The following BTN3A2 variants were observed in gnomAD, a reference collection of about 807,000 sequenced individuals.
BTN3A2 encodes the protein butyrophilin subfamily 3 member A2.
In BTN3A2, 25 loss-of-function variants were observed where a neutral mutation model predicts 37.6. That is an observed-to-expected ratio of 0.66 (90% CI 0.48 to 0.93). The LOEUF is 0.93. Among genes scored for constraint, BTN3A2 ranks in the 40% least tolerant of loss-of-function variants. The pLI is 0.00. For synonymous variants in BTN3A2, 122 were observed against 159.4 expected (o/e 0.77, Z 1.77); for missense variants, 266 against 410.9 (o/e 0.65, Z 3.05).
At position 26,370,326 on chromosome 6, in the gene BTN3A2, G is replaced by C; in HGVS notation, c.438G>C (p.Leu146=). 6.2e-7 allele frequency: 1 copy of C among 1,614,042 alleles called. No homozygotes were observed. The highest frequency in any genetic ancestry group is 8.5e-7 in the Non-Finnish European group (1 of 1,179,886). Residue 146 remains leucine, a synonymous_variant, in exon 5 of 11, where the codon CTG becomes CTC. Coordinates refer to ENST00000377708, the MANE Select transcript of BTN3A2 (RefSeq NM_007047.5). ...KALVELKVAA[L]GSNLHVEVKG... ...GGCCAAATTATCCTTCCACAGCACT[G>C]GGTTCTAATCTTCACGTCGAAGTGA...
At chr6:26,373,231 G>A in intron 6 of BTN3A2, 45 bp from the exon 7 acceptor site, 1 of 1,367,568 alleles carries the variant, frequency 7.3e-7, no homozygotes, top group Non-Finnish European at 1.0e-6. Flanking sequence ...ACCCATAACA[G>A]TTCATCTTTT....
chr6:26,374,022 T>A (rs1333754851), intron 8 of BTN3A2: 2 of 329,622 alleles, frequency 6.1e-6, no homozygotes, highest in Non-Finnish European at 1.1e-5. Context: ...CATATAGACA[T>A]GGTGACACCT....
intron 1 of BTN3A2, 83 bp downstream of exon 1, chr6:26,365,435 T>C: frequency 6.8e-7 from 1 of 1,467,178 alleles, no homozygotes; most frequent in Non-Finnish European, 9.2e-7. Context: ...TGAGTGGGCA[T>C]GCAGGGAGAG....
intron 5 of BTN3A2, 53 bp downstream of exon 5, chr6:26,370,656 G>C: frequency 6.2e-7 from 1 of 1,605,622 alleles, no homozygotes; most frequent in Non-Finnish European, 8.5e-7. Context: ...GCAGTTGAAT[G>C]AAGGGGGATG....
Position 26,368,251 on chromosome 6 carries a change from G to T in BTN3A2, c.69G>T (p.Leu23=). The part of the protein sequence containing the change: ...NFHVSLLLVQ[L]LTPCSAQFSV... ...ATGTCTCCCTCCTCTTGGTCCAGCTGCTCACTCCTTGCTCAGGTAGGGAAT... is the reference window on the plus strand; with the variant it reads ...ATGTCTCCCTCCTCTTGGTCCAGCTTCTCACTCCTTGCTCAGGTAGGGAAT... The change falls in exon 3 of 11, where the codon CTG becomes CTT. Residue 23 remains leucine (L), a synonymous_variant. Coordinates refer to ENST00000377708, the MANE Select transcript of BTN3A2 (RefSeq NM_007047.5). 5 of 1,614,148 alleles carry T rather than the reference G, an allele frequency of 3.1e-6. No homozygotes were observed. The highest frequency in any genetic ancestry group is 4.2e-6 in the Non-Finnish European group (5 of 1,180,038).
rs936566491 is a variant in BTN3A2, at chr6:26,376,484, C to T, written c.*722C>T. The T allele has an allele frequency of 4.3e-6, 5 of 1,155,668 alleles. No homozygotes were observed. The highest frequency in any genetic ancestry group is 4.7e-6 in the Non-Finnish European group (4 of 854,806). 71.6% of individuals were successfully genotyped at this position (1,155,668 alleles called of 1,614,324 possible). A position where few individuals can be genotyped will look rare whatever the true frequency, so the allele number is the denominator to read the frequency against. On this transcript the variant is annotated 3_prime_UTR_variant, in exon 11 of 11. Coordinates refer to ENST00000377708, the MANE Select transcript of BTN3A2 (RefSeq NM_007047.5). ...GGGACACGGGGTTCTGGAAGGACCT[C>T]CTCAGCATGGCCCAAGCCTTGCATG... is the stretch of plus-strand genomic sequence containing the variant.
chr6:26,369,541 G>A (rs1420497164), intron 4 of BTN3A2, among the ~76,000 whole-genome samples: 1 of 152,164 alleles, frequency 6.6e-6, no homozygotes, highest in Non-Finnish European at 1.5e-5. Context: ...CATCAGGAAG[G>A]TGTGGGCAGG....
At chr6:26,365,194 G>A, upstream of BTN3A2, 1 of 1,069,844 alleles carries the variant, frequency 9.3e-7, no homozygotes, top group South Asian at 1.5e-5. Flanking sequence ...TTCTTCCAAA[G>A]AGCGACTCTT....
chr6:26,365,500 G>GTGTGTC (rs1761974884), intron 1 of BTN3A2, 148 bp downstream of exon 1: 2 of 729,346 alleles, frequency 2.7e-6, no homozygotes. Context: ...GTGTGTGTGT[G>GTGTGTC]TGTGTGTGTG....
intron 8 of BTN3A2, chr6:26,374,036 C>A (rs965249936): frequency 1.1e-5 from 4 of 362,690 alleles, no homozygotes; most frequent in Non-Finnish European, 2.0e-5. Flanking sequence ...GACACCTATG[C>A]CCAGGTACAC....
Position 26,376,926 on chromosome 6 carries a change from C to G in BTN3A2, c.*1164C>G. On this transcript the variant is annotated 3_prime_UTR_variant, in exon 11 of 11. Transcript: ENST00000377708. ...AACCAACCTGAAACTTCCTGAGCCT[C>G]CTAGGAAAGTGGGGGTCATCCTGGA... 1.2e-6 allele frequency: 2 copies of G among 1,613,112 alleles called. No homozygotes were observed. The highest frequency in any genetic ancestry group is 1.7e-6 in the Non-Finnish European group (2 of 1,179,298).
At position 26,377,009 on chromosome 6, in the gene BTN3A2, A is replaced by G; in HGVS notation, c.*1247A>G. The G allele has an allele frequency of 1.4e-6, 2 of 1,437,880 alleles. No homozygotes were observed. Among genetic ancestry groups the G allele is most frequent in the Non-Finnish European group, 2.0e-6 (2 of 1,022,366 alleles). 89.1% of individuals were successfully genotyped at this position (1,437,880 alleles called of 1,614,324 possible). A position where few individuals can be genotyped will look rare whatever the true frequency, so the allele number is the denominator to read the frequency against. ...CCACGGATGGATCTCATATCTACAC[A>G]TTTCTGCACGCCTCTTCCTCTGAGC... On this transcript the variant is annotated 3_prime_UTR_variant, in exon 11 of 11. Coordinates refer to ENST00000377708, the MANE Select transcript of BTN3A2 (RefSeq NM_007047.5).
intron 7 of BTN3A2, 21 bp from the exon 8 acceptor site, chr6:26,373,366 T>G (rs746025441): frequency 2.2e-5 from 35 of 1,605,582 alleles, no homozygotes; most frequent in Admixed American, 6.9e-5. Flanking sequence ...TGATGACTCT[T>G]CCCTGTTCAT....
rs1760733739 is a variant in BTN3A2 at position 26,376,661 on chromosome 6, T to G, written c.*899T>G. 2.6e-6 allele frequency: 4 copies of G among 1,509,482 alleles called. No individual in the cohort carries two copies. The highest frequency in any genetic ancestry group is 2.3e-5 in the East Asian group (1 of 44,174). 93.5% of individuals were successfully genotyped at this position (1,509,482 alleles called of 1,614,324 possible). On this transcript the variant is annotated 3_prime_UTR_variant, in exon 11 of 11. Coordinates refer to ENST00000377708, the MANE Select transcript of BTN3A2 (RefSeq NM_007047.5). ...GTGTACAGCGTGCTGAGGAGCCCCA[T>G]GACCTACCAGACAACCCTGAGAGAT... is the stretch of plus-strand genomic sequence containing the variant.
Position 26,376,065 on chromosome 6 carries a change from T to A in BTN3A2, c.*303T>A. The A allele has an allele frequency of 2.5e-6, 1 of 393,790 alleles. No homozygotes were observed. The highest frequency in any genetic ancestry group is 4.5e-6 in the Non-Finnish European group (1 of 221,518). The allele number at this position is 393,790 out of a possible 1,614,324, so 24.4% of individuals were successfully genotyped here. A position where few individuals can be genotyped will look rare whatever the true frequency, so the allele number is the denominator to read the frequency against. ...ACTAAAAATACAAAAAATAAAAAAT[T>A]AGCCGGGCATGGTGACGGGCACCTG... On this transcript the variant is annotated 3_prime_UTR_variant, in exon 11 of 11. Transcript: ENST00000377708.
Position 26,374,815 on chromosome 6 carries a change from A to G in BTN3A2, c.*34+17A>G. On this transcript the variant is annotated intron_variant, in intron 10 of 10. Transcript: ENST00000377708. ...TCAAGCCTGGTGAGTAAATCACTGCATGTTCCCTGGACCAACAACCTGAGG... is the reference window on the plus strand; with the variant it reads ...TCAAGCCTGGTGAGTAAATCACTGCGTGTTCCCTGGACCAACAACCTGAGG... The G allele has an allele frequency of 2.0e-6, 3 of 1,515,834 alleles. No homozygotes were observed. The highest frequency in any genetic ancestry group is 2.7e-6 in the Non-Finnish European group (3 of 1,093,988). 93.9% of individuals were successfully genotyped at this position (1,515,834 alleles called of 1,614,324 possible).
chr6:26,373,329 G>A (rs1399283940), intron 7 of BTN3A2, 33 bp downstream of exon 7: 1 of 1,589,850 alleles, frequency 6.3e-7, no homozygotes, highest in South Asian at 1.1e-5. Flanking sequence ...ATCCAGACAT[G>A]TCTTCCTATC....
chr6:26,374,327 G>A lies in BTN3A2; in HGVS notation c.965G>A (p.Arg322His). 1 of 1,613,172 alleles carries A rather than the reference G, an allele frequency of 6.2e-7. No individual in the cohort carries two copies. The highest frequency in any genetic ancestry group is 1.7e-5 in the Admixed American group (1 of 59,950). The change falls in exon 9 of 11, where the codon CGT (arginine) becomes CAT (histidine). Residue 322 changes from arginine (R) to histidine (H), a missense_variant and splice_region_variant. Physicochemically the swap from Arg to His is conservative, Grantham distance 29. Around this residue, in one of 3 missense-constraint regions of BTN3A2, gnomAD observed 204 missense variants for 232.6 expected, o/e 0.88. Coordinates refer to ENST00000377708, the MANE Select transcript of BTN3A2 (RefSeq NM_007047.5). Reference sequence around the variant, plus strand: ...CACCTCTACCTTTCTTTCATTGTAGGTGGAGAGGAGTCTTCGTCCGATACC... The same window carrying A: ...CACCTCTACCTTTCTTTCATTGTAGATGGAGAGGAGTCTTCGTCCGATACC... ...LKRKKIQYLTRGEESSSDTNK... is the reference protein window; with the variant it reads ...LKRKKIQYLTHGEESSSDTNK...
intron 8 of BTN3A2, 170 bp downstream of exon 8, chr6:26,373,583 CTCT>C: frequency 2.1e-5 from 5 of 240,078 alleles, no homozygotes; most frequent in Non-Finnish European, 7.2e-6. Context: ...TGCTTTTTCT[CTCT>C]AGAAAAAAAA....
Sources: gnomAD v4.1 joint callset for allele counts (sites outside exome capture counted in the v4.1 genomes callset) on GRCh38, gnomAD v4.1.1 for gene constraint, gnomAD v4.1.1 regional missense constraint, MANE v1.5 for transcripts, NCBI Gene and HGNC (gene_info 2026-07-23, HGNC 2026-07-21) for gene names.